The following CYB5D2 variants were observed in gnomAD, a reference collection of about 807,000 sequenced individuals.
The protein encoded by CYB5D2 is neuferricin.
Under a neutral mutation model 22.8 loss-of-function variants are expected in CYB5D2, and 23 were observed. The observed-to-expected ratio is 1.01, with a 90% CI of 0.73 to 1.43. CYB5D2 has a LOEUF of 1.43. CYB5D2 is among the 40% of genes most tolerant of loss of function. The pLI, the probability that CYB5D2 is intolerant of heterozygous loss-of-function variation, is 0.00. For missense variants in CYB5D2, 373 were observed against 357.2 expected (o/e 1.04, Z -0.36); for synonymous variants, 170 against 152.2 (o/e 1.12, Z -0.86).
intron 2 of CYB5D2, 59 bp from the exon 3 acceptor site, chr17:4,154,615 C>T (rs2059092696): frequency 6.4e-7 from 1 of 1,560,384 alleles, no homozygotes; most frequent in Non-Finnish European, 8.7e-7. Flanking sequence ...TGCCTTCCCA[C>T]ACCTGCCTCA....
At position 4,143,809 on chromosome 17, in the gene CYB5D2, A is replaced by G; in HGVS notation, c.54A>G (p.Ala18=). The change falls in exon 1 of 4, where the codon GCA becomes GCG. Residue 18 remains alanine (A), a synonymous_variant. Coordinates refer to ENST00000301391, the MANE Select transcript of CYB5D2 (RefSeq NM_144611.4). ...GLLLGLAVAA[A]AVMAARLMGW... The stretch of plus-strand genomic sequence containing the variant: ...TGTTGGGCCTGGCTGTAGCCGCAGC[A>G]GCGGTAATGGCAGCACGGCTTATGG... 1 of 1,614,146 alleles carries G rather than the reference A, an allele frequency of 6.2e-7. No individual in the cohort carries two copies. Among genetic ancestry groups the G allele is most frequent in the South Asian group, 1.1e-5 (1 of 91,088 alleles).
In CYB5D2 at chr17:4,143,747, C is replaced by G; in HGVS notation, c.-9C>G. The G allele has an allele frequency of 2.5e-6, 4 of 1,611,758 alleles. No homozygotes were observed. The highest frequency in any genetic ancestry group is 3.4e-6 in the Non-Finnish European group (4 of 1,179,028). ...ACCTCGGAAGTGCGGAGCGGGTGGG[C>G]CTATATAGATGTTGAGGTGCGGAGG... On this transcript the variant is annotated 5_prime_UTR_variant, in exon 1 of 4. Transcript: ENST00000301391.
At chr17:4,155,382 C>T (rs1164213616) in intron 3 of CYB5D2, among the ~76,000 whole-genome samples, 1 of 152,124 alleles carries the variant, frequency 6.6e-6, no homozygotes, top group Non-Finnish European at 1.5e-5. Context: ...ACTTGGGAGA[C>T]TGAGGCAGGC....
At chr17:4,147,722 G>A (rs911126174) in intron 1 of CYB5D2, among the ~76,000 whole-genome samples, 11 of 152,134 alleles carry the variant, frequency 7.2e-5, no homozygotes, top group East Asian at 1.9e-4. Flanking sequence ...GCATGGTGGC[G>A]CATGCCTGTA....
At chr17:4,152,356 C>G (rs1205638220) in intron 2 of CYB5D2, among the ~76,000 whole-genome samples, 1 of 152,084 alleles carries the variant, frequency 6.6e-6, no homozygotes, top group Non-Finnish European at 1.5e-5. Context: ...TACCAGAAAC[C>G]CTCAGGATAC....
At chr17:4,154,026 C>T (rs563306348) in intron 2 of CYB5D2, among the ~76,000 whole-genome samples, 2 of 152,324 alleles carry the variant, frequency 1.3e-5, no homozygotes, top group South Asian at 4.1e-4. Context: ...AGGGCATTTG[C>T]ACCTCAGGAC....
At chr17:4,155,430 C>A (rs896660681) in intron 3 of CYB5D2, among the ~76,000 whole-genome samples, 9 of 151,652 alleles carry the variant, frequency 5.9e-5, no homozygotes, top group African/African-American at 1.9e-4. Flanking sequence ...CCAGCCTGGG[C>A]AACATAACAA....
At chr17:4,148,282 C>A (rs1404683962) in intron 1 of CYB5D2, among the ~76,000 whole-genome samples, 1 of 151,862 alleles carries the variant, frequency 6.6e-6, no homozygotes, top group African/African-American at 2.4e-5. Flanking sequence ...TTTGGGAGGG[C>A]AGGGCGGGAA....
chr17:4,149,798 CAA>C, intron 1 of CYB5D2, 91 bp from the exon 2 acceptor site: 4 of 1,338,572 alleles, frequency 3.0e-6, no homozygotes, highest in South Asian at 1.5e-5. Flanking sequence ...GACTCCGTCT[CAA>C]AAAAAAAAGA....
intron 1 of CYB5D2, among the ~76,000 whole-genome samples, chr17:4,149,478 A>G (rs9900859): frequency 0.033 from 4,978 of 152,304 alleles, 289 homozygotes; most frequent in African/African-American, 0.11. Flanking sequence ...CCCTGGGGAT[A>G]AGGAGTAGGG....
intron 1 of CYB5D2, among the ~76,000 whole-genome samples, chr17:4,147,712 G>C (rs1383090711): frequency 6.6e-6 from 1 of 152,218 alleles, no homozygotes; most frequent in Non-Finnish European, 1.5e-5. Flanking sequence ...AATTAGCCGG[G>C]CATGGTGGCG....
chr17:4,154,869 G>C lies in CYB5D2; in HGVS notation c.578+9G>C. The C allele has an allele frequency of 6.2e-7, 1 of 1,604,406 alleles. No individual in the cohort carries two copies. The highest frequency in any genetic ancestry group is 1.1e-5 in the South Asian group (1 of 90,358). ...TGGTGCTCCCAGAAGAGGTAAGCAG[G>C]CTCCCCTTCTTCTCCTTTCTGCCTG... On this transcript the variant is annotated intron_variant, in intron 3 of 3. Coordinates refer to ENST00000301391, the MANE Select transcript of CYB5D2 (RefSeq NM_144611.4).
Position 4,143,589 on chromosome 17 carries a change from G to A in CYB5D2, c.-167G>A, listed in dbSNP as rs1028100258. 1.1e-4 allele frequency: 107 copies of A among 977,772 alleles called. No homozygotes were observed. The highest frequency in any genetic ancestry group is 1.5e-4 in the Non-Finnish European group (103 of 679,778). 60.6% of individuals were successfully genotyped at this position (977,772 alleles called of 1,614,324 possible). ...GACAGCGAGCTTTTCGCCAGTGCCA[G>A]GAATACAGATAAAACGAGAGAGACT... On this transcript the variant is annotated 5_prime_UTR_variant, in exon 1 of 4. Transcript: ENST00000301391.
In CYB5D2 at chr17:4,154,814, G is replaced by A. The variant is rs770410529; in HGVS notation, c.532G>A (p.Glu178Lys). 4.5e-5 allele frequency: 72 copies of A among 1,614,218 alleles called. No individual in the cohort carries two copies. Among genetic ancestry groups the A allele is most frequent in the Non-Finnish European group, 5.9e-5 (70 of 1,180,042 alleles). The change falls in exon 3 of 4, where the codon GAG (glutamate) becomes AAG (lysine). Residue 178 changes from glutamate to lysine, a missense_variant. Glu to Lys is a moderately conservative substitution (Grantham distance 56). Coordinates refer to ENST00000301391, the MANE Select transcript of CYB5D2 (RefSeq NM_144611.4). The part of the protein sequence containing the change: ...EKQTFPPCNA[E>K]WSSARGSRLW... ...GCAGACATTCCCGCCGTGCAACGCG[G>A]AGTGGAGCTCAGCCAGGGGCAGCCG...
At chr17:4,144,095 TC>T (rs146367581) in intron 1 of CYB5D2, 90 bp downstream of exon 1, 96,448 of 1,461,102 alleles carry the variant, frequency 0.066, 3,652 homozygotes, top group Non-Finnish European at 0.078. Context: ...TTCATCTATT[TC>T]CCCCCCCATC....
chr17:4,151,599 AT>A (rs1403218570), intron 2 of CYB5D2, among the ~76,000 whole-genome samples: 1 of 152,034 alleles, frequency 6.6e-6, no homozygotes, highest in Non-Finnish European at 1.5e-5. Flanking sequence ...AGACGGGAGA[AT>A]TGCTTAAACC....
At chr17:4,151,841 CTAT>C (rs2059061684) in intron 2 of CYB5D2, among the ~76,000 whole-genome samples, 1 of 151,904 alleles carries the variant, frequency 6.6e-6, no homozygotes, top group South Asian at 2.1e-4. Context: ...CATGTCTCTA[CTAT>C]AAATACAAAA....
intron 1 of CYB5D2, 110 bp downstream of exon 1, chr17:4,144,115 A>C: frequency 2.1e-6 from 3 of 1,411,796 alleles, no homozygotes; most frequent in South Asian, 1.4e-5. Context: ...TCCCCACCCC[A>C]CATCCATCAA....
intron 1 of CYB5D2, 27 bp from the exon 2 acceptor site, chr17:4,149,864 G>C: frequency 6.2e-7 from 1 of 1,605,268 alleles, no homozygotes; most frequent in Non-Finnish European, 8.5e-7. Context: ...TTTACACCTG[G>C]GTCTGATGGA....
Sources: allele counts gnomAD v4.1 joint callset (sites outside exome capture counted in the v4.1 genomes callset), GRCh38; gene constraint gnomAD v4.1.1; transcripts MANE v1.5; gene names NCBI Gene and HGNC (gene_info 2026-07-23, HGNC 2026-07-21).